Variants in SENP2 observed in about 807,000 individuals in gnomAD.
SENP2 encodes SUMO specific peptidase 2.
Under a neutral mutation model 86.3 loss-of-function variants are expected in SENP2, and 16 were observed. The ratio of observed to expected loss-of-function variants is 0.19; its 90% CI spans 0.13 to 0.28. The LOEUF (loss-of-function observed/expected upper bound fraction) is 0.28. Ranked by LOEUF, SENP2 falls within the 10% of genes least tolerant of loss-of-function variation. SENP2 has a pLI of 1.00. For synonymous variants in SENP2, 222 were observed against 238.7 expected (o/e 0.93, Z 0.64); for missense variants, 552 against 703.0 (o/e 0.79, Z 2.43).
intron 2 of SENP2, among the ~76,000 whole-genome samples, chr3:185,590,867 C>CAAA (rs1196821162): frequency 8.1e-4 from 11 of 13,518 alleles, no homozygotes; most frequent in African/African-American, 1.4e-3. Flanking sequence ...CACTCCATCT[C>CAAA]AAAAAAAAAA....
intron 11 of SENP2, 50 bp downstream of exon 11, chr3:185,614,790 T>C: frequency 6.5e-7 from 1 of 1,533,792 alleles, no homozygotes; most frequent in South Asian, 1.2e-5. Context: ...TTAAATAACC[T>C]CAGTTATTCT....
chr3:185,614,436 C>T, intron 10 of SENP2, 128 bp from the exon 11 acceptor site: 1 of 912,974 alleles, frequency 1.1e-6, no homozygotes, highest in Non-Finnish European at 1.6e-6. Flanking sequence ...GGTAAATCTA[C>T]TCACTTGGGG....
chr3:185,613,506 T>C (rs1258511275), intron 10 of SENP2, 98 bp downstream of exon 10: 2 of 704,044 alleles, frequency 2.8e-6, no homozygotes, highest in Non-Finnish European at 4.8e-6. Context: ...TATATAACTT[T>C]GATTGTTAAT....
At chr3:185,599,712 A>C (rs948173410) in intron 4 of SENP2, among the ~76,000 whole-genome samples, 1 of 152,190 alleles carries the variant, frequency 6.6e-6, no homozygotes, top group Admixed American at 6.6e-5. Flanking sequence ...AAACTGTTTT[A>C]AAAAGTACCT....
chr3:185,609,707 C>T (rs1487772517), intron 7 of SENP2, among the ~76,000 whole-genome samples: 2 of 151,942 alleles, frequency 1.3e-5, no homozygotes, highest in African/African-American at 4.8e-5. Flanking sequence ...CACCCCACTC[C>T]TGCCCCTCTC....
intron 10 of SENP2, among the ~76,000 whole-genome samples, chr3:185,613,827 CAAAAAA>C (rs58192571): frequency 4.1e-5 from 2 of 48,610 alleles, no homozygotes; most frequent in Non-Finnish European, 8.8e-5. Flanking sequence ...GACTCTGTCT[CAAAAAA>C]AAAAAAAAAA....
chr3:185,598,687 G>T, intron 3 of SENP2, 142 bp downstream of exon 3: 2 of 836,822 alleles, frequency 2.4e-6, no homozygotes, highest in Non-Finnish European at 3.6e-6. Flanking sequence ...TGCTATAAAG[G>T]CCAAGAAATT....
At chr3:185,588,688 G>A (rs945598839) in intron 1 of SENP2, among the ~76,000 whole-genome samples, 1 of 152,108 alleles carries the variant, frequency 6.6e-6, no homozygotes, top group South Asian at 2.1e-4. Flanking sequence ...CTATCTTTCC[G>A]TTGGGTTGAT....
In SENP2 at chr3:185,606,342, C is replaced by G; in HGVS notation, c.462C>G (p.Asn154Lys). Residue 154 changes from asparagine (N) to lysine (K), a missense_variant, in exon 6 of 17, where the codon AAC becomes AAG. Asn to Lys is a moderately conservative substitution (Grantham distance 94). Around this residue, in one of 2 missense-constraint regions of SENP2, gnomAD observed 383 missense variants for 427.3 expected, o/e 0.90. Transcript: ENST00000296257. ...TTCTGTTGCTCAGTTTTACTTTGAACTCAGAAGGCTGTAATAGAAGACCAG... is the reference window on the plus strand; with the variant it reads ...TTCTGTTGCTCAGTTTTACTTTGAAGTCAGAAGGCTGTAATAGAAGACCAG... Reference protein sequence around the residue: ...RVLPSFGFTLNSEGCNRRPGG... With the variant: ...RVLPSFGFTLKSEGCNRRPGG... 6.3e-7 allele frequency: 1 copy of G among 1,597,470 alleles called. No homozygotes were observed. The highest frequency in any genetic ancestry group is 8.5e-7 in the Non-Finnish European group (1 of 1,175,610).
At chr3:185,592,619 CTT>C (rs34907174) in intron 2 of SENP2, among the ~76,000 whole-genome samples, 80 of 142,248 alleles carry the variant, frequency 5.6e-4, no homozygotes, top group Non-Finnish European at 6.2e-4. Context: ...ACAGGGTCTC[CTT>C]TTTTTTTTTT....
At position 185,608,081 on chromosome 3, in the gene SENP2, A is replaced by C. The variant is rs147569516; in HGVS notation, c.619-1166A>C. Among the ~76,000 whole-genome samples, 1,290 of 152,320 alleles carry C rather than the reference A, an allele frequency of 8.5e-3. 69 individuals carry two copies. Among genetic ancestry groups the C allele is most frequent in the Admixed American group, 0.081 (1,231 of 15,284 alleles). On this transcript the variant is annotated intron_variant, in intron 6 of 16. Coordinates refer to ENST00000296257, the MANE Select transcript of SENP2 (RefSeq NM_021627.3). ...ACTTGTTTAATTTAGTTCATCAAAG[A>C]AATATTTATTGGGGTCCCAGGTACT...
At chr3:185,588,426 C>T (rs1721872649) in intron 1 of SENP2, among the ~76,000 whole-genome samples, 1 of 152,084 alleles carries the variant, frequency 6.6e-6, no homozygotes, top group African/African-American at 2.4e-5. Flanking sequence ...CTCCTGACCT[C>T]GTGATCCACC....
intron 5 of SENP2, among the ~76,000 whole-genome samples, chr3:185,604,533 A>C (rs1000591893): frequency 6.6e-6 from 1 of 152,076 alleles, no homozygotes; most frequent in African/African-American, 2.4e-5. Context: ...ACAATTGTGG[A>C]TTTCTCTATT....
chr3:185,590,480 G>A (rs1721941637), intron 2 of SENP2, among the ~76,000 whole-genome samples: 1 of 151,834 alleles, frequency 6.6e-6, no homozygotes, highest in South Asian at 2.1e-4. Flanking sequence ...CCTGGGAGGT[G>A]GAGGTTGCTG....
At position 185,621,861 on chromosome 3, in the gene SENP2, G is replaced by A. The variant is rs779682387; in HGVS notation, c.1482G>A (p.Leu494=). The A allele has an allele frequency of 1.9e-6, 3 of 1,611,686 alleles. No individual in the cohort carries two copies. The highest frequency in any genetic ancestry group is 1.1e-5 in the South Asian group (1 of 90,864). Reference sequence around the variant, plus strand: ...TAAGAAAAAAGTGTCTTAAATATCTGGATTCTATGGGACAAAAGGGCCACA... The same window carrying A: ...TAAGAAAAAAGTGTCTTAAATATCTAGATTCTATGGGACAAAAGGGCCACA... ...IDLRKKCLKY[L]DSMGQKGHRI... is the part of the protein sequence containing the mutation. Residue 494 remains leucine, a synonymous_variant, in exon 14 of 17, where the codon CTG becomes CTA. Coordinates refer to ENST00000296257, the MANE Select transcript of SENP2 (RefSeq NM_021627.3).
chr3:185,622,640 GGT>G (rs1293679448), intron 14 of SENP2, among the ~76,000 whole-genome samples: 3 of 151,944 alleles, frequency 2.0e-5, no homozygotes, highest in Non-Finnish European at 4.4e-5. Flanking sequence ...TTTATAAAAT[GGT>G]TCTCTTCTAG....
Position 185,614,547 on chromosome 3 carries a change from G to A in SENP2, c.934-17G>A, listed in dbSNP as rs568997284. 5.3e-5 allele frequency: 84 copies of A among 1,587,106 alleles called. 1 individual carries two copies. In the South Asian group the frequency reaches 8.1e-4, roughly 15 times the overall value. ...GTATCAAACATGTCAGTAGAATTTA[G>A]ATAATTTTTTGATCAGAGGAGGGGA... On this transcript the variant is annotated splice_polypyrimidine_tract_variant and intron_variant, in intron 10 of 16. Coordinates refer to ENST00000296257, the MANE Select transcript of SENP2 (RefSeq NM_021627.3).
intron 4 of SENP2, among the ~76,000 whole-genome samples, chr3:185,600,091 C>T (rs930161260): frequency 3.3e-5 from 5 of 152,142 alleles, no homozygotes; most frequent in African/African-American, 1.2e-4. Context: ...GCCACTGCGC[C>T]CAGCCCAAAG....
rs574768547 is a variant in SENP2, at chr3:185,606,406, T to G, written c.526T>G (p.Leu176Val). 6.2e-7 allele frequency: 1 copy of G among 1,614,016 alleles called. No individual in the cohort carries two copies. Among genetic ancestry groups the G allele is most frequent in the East Asian group, 2.2e-5 (1 of 44,874 alleles). ...RHSKGNPESS[L>V]MWKPQEQAVT... ...TAGCAAAGGTAATCCAGAGAGTTCT[T>G]TAATGTGGAAACCTCAGGAACAGGC... The change falls in exon 6 of 17, where the codon TTA becomes GTA. Residue 176 changes from leucine (L) to valine (V), a missense_variant. Physicochemically the swap from Leu to Val is conservative, Grantham distance 32. Transcript: ENST00000296257.
Sources: allele counts gnomAD v4.1 joint callset (sites outside exome capture counted in the v4.1 genomes callset), GRCh38; gene constraint gnomAD v4.1.1; regional missense constraint gnomAD v4.1.1; transcripts MANE v1.5; gene names NCBI Gene and HGNC (gene_info 2026-07-23, HGNC 2026-07-21).